NIPBL: variants seen among roughly 807,000 people sequenced by gnomAD.
NIPBL encodes the protein NIPBL cohesin loading factor.
A neutral mutation model predicts 321.8 loss-of-function variants in NIPBL; 19 were observed. The ratio of observed to expected loss-of-function variants is 0.06; its 90% CI spans 0.04 to 0.09. NIPBL has a LOEUF of 0.09. Among genes scored for constraint, NIPBL ranks in the 10% least tolerant of loss-of-function variants. NIPBL has a pLI of 1.00. For synonymous variants in NIPBL, 1,106 were observed against 1,114.1 expected (o/e 0.99, Z 0.14); for missense variants, 2,210 against 3,327.0 (o/e 0.66, Z 8.26).
At chr5:36,929,252 T>C (rs1004668638) in intron 1 of NIPBL, among the ~76,000 whole-genome samples, 1 of 152,152 alleles carries the variant, frequency 6.6e-6, no homozygotes, top group Admixed American at 6.5e-5. Flanking sequence ...TAATGACTAA[T>C]GATACTGAGC....
chr5:37,012,436 A>G (rs1748253389), intron 21 of NIPBL, among the ~76,000 whole-genome samples: 1 of 140,848 alleles, frequency 7.1e-6, no homozygotes, highest in African/African-American at 2.6e-5. Context: ...TCATATATTG[A>G]ATATTAGATT....
intron 6 of NIPBL, among the ~76,000 whole-genome samples, chr5:36,969,294 C>G (rs1249676770): frequency 1.3e-5 from 2 of 152,072 alleles, no homozygotes; most frequent in East Asian, 3.9e-4. Context: ...GGAATTTAAC[C>G]TGCTTCTAAA....
At chr5:36,960,906 A>C (rs1031481445) in intron 4 of NIPBL, among the ~76,000 whole-genome samples, 2 of 152,142 alleles carry the variant, frequency 1.3e-5, no homozygotes, top group African/African-American at 4.8e-5. Context: ...GTTAATCCCT[A>C]CTATGTGACA....
At chr5:36,889,430 A>G (rs1746154764) in intron 1 of NIPBL, among the ~76,000 whole-genome samples, 1 of 152,144 alleles carries the variant, frequency 6.6e-6, no homozygotes, top group South Asian at 2.1e-4. Flanking sequence ...AAGAACTGGG[A>G]GGAGGTGTTG....
rs760114555 is a variant in NIPBL, at chr5:36,975,786, A to C, written c.879A>C (p.Pro293=). The part of the protein sequence containing the change: ...GSEGTPKGSR[P]PLILQSQSLP... ...GAATTATTTTTCTAGGCTCAAGACC[A>C]CCTTTAATCCTACAATCTCAGTCTC... Residue 293 remains proline (P), a synonymous_variant, in exon 9 of 47, where the codon CCA becomes CCC. Coordinates refer to ENST00000282516, the MANE Select transcript of NIPBL (RefSeq NM_133433.4). 5 of 1,613,654 alleles carry C rather than the reference A, an allele frequency of 3.1e-6. No individual in the cohort carries two copies. The Admixed American group carries it at 8.3e-5, about 27-fold the overall frequency.
At chr5:36,972,616 A>G (rs1347619375) in intron 8 of NIPBL, among the ~76,000 whole-genome samples, 2 of 152,132 alleles carry the variant, frequency 1.3e-5, no homozygotes, top group Non-Finnish European at 2.9e-5. Context: ...CCAAGTTCTA[A>G]TTCTTCATTT....
chr5:36,968,883 T>G (rs1314134462), intron 6 of NIPBL, among the ~76,000 whole-genome samples: 2 of 152,172 alleles, frequency 1.3e-5, no homozygotes, highest in Non-Finnish European at 2.9e-5. Flanking sequence ...AAGAAAAAAG[T>G]GTCATTTTCA....
Position 36,942,432 on chromosome 5 carries a change from T to TAAAAA in NIPBL, c.-79-11165_-79-11161dup, listed in dbSNP as rs33935189. On this transcript the variant is annotated intron_variant, in intron 1 of 46. Transcript: ENST00000282516. Reference sequence around the variant, plus strand: ...GGGTGACAGAGTGAGACTCTGTCTTTAAAAAAAAAAAAAAAAAAAAAAAAA... The same window carrying TAAAAA: ...GGGTGACAGAGTGAGACTCTGTCTTTAAAAAAAAAAAAAAAAAAAAAAAAAAAAAA... Among the ~76,000 whole-genome samples, 397 of 59,760 alleles carry TAAAAA rather than the reference T, an allele frequency of 6.6e-3. 10 individuals carry two copies. Among genetic ancestry groups the TAAAAA allele is most frequent in the Non-Finnish European group, 9.6e-3 (341 of 35,666 alleles). The allele number at this position is 59,760 out of a possible 152,430, so 39.2% of individuals were successfully genotyped here. A position where few individuals can be genotyped will look rare whatever the true frequency, so the allele number is the denominator to read the frequency against.
rs201051655 is a variant in NIPBL at position 36,984,849 on chromosome 5, A to G, written c.1669A>G (p.Ile557Val). Residue 557 changes from isoleucine to valine, a missense_variant, in exon 10 of 47, where the codon ATA becomes GTA. By Grantham distance (29) the Ile-to-Val change is conservative (BLOSUM62 3). This residue lies in a region of NIPBL where 588 missense variants were observed against 564.1 expected (regional missense o/e 1.04). Coordinates refer to ENST00000282516, the MANE Select transcript of NIPBL (RefSeq NM_133433.4). ...AGGAAGAGTGGACTCTCAGGCTTCT[A>G]TAACTCAGGATTCAGACTCCATAAA... is the stretch of plus-strand genomic sequence containing the variant. The part of the protein sequence containing the change: ...QAGRVDSQAS[I>V]TQDSDSIKKP... The G allele has an allele frequency of 6.8e-6, 11 of 1,613,882 alleles. No individual in the cohort carries two copies. In the African/African-American group the frequency reaches 1.1e-4, roughly 16 times the overall value.
chr5:36,958,632 G>A (rs898347371), intron 4 of NIPBL, among the ~76,000 whole-genome samples: 10 of 152,026 alleles, frequency 6.6e-5, no homozygotes, highest in Non-Finnish European at 8.8e-5. Flanking sequence ...TCTAGTAATT[G>A]ATTTAATACT....
At chr5:36,991,749 T>G (rs1379991285) in intron 10 of NIPBL, among the ~76,000 whole-genome samples, 3 of 151,510 alleles carry the variant, frequency 2.0e-5, no homozygotes, top group Non-Finnish European at 4.4e-5. Context: ...GCCCAAGTTT[T>G]TTTTTTTTTT....
intron 24 of NIPBL, among the ~76,000 whole-genome samples, chr5:37,018,125 C>G (rs1749199728): frequency 6.6e-6 from 1 of 152,006 alleles, no homozygotes; most frequent in South Asian, 2.1e-4. Flanking sequence ...ATTCTTAGGA[C>G]CCTCCCTGGA....
At chr5:36,883,444 G>C (rs943216321) in intron 1 of NIPBL, among the ~76,000 whole-genome samples, 12 of 151,930 alleles carry the variant, frequency 7.9e-5, no homozygotes, top group Middle Eastern at 3.4e-3. Flanking sequence ...CCTTTTGTTA[G>C]AATTAACATA....
At position 37,001,046 on chromosome 5, in the gene NIPBL, A is replaced by G; in HGVS notation, c.3632A>G (p.Asp1211Gly). ...RFTASIENIL[D>G]NLEDMDFTAF... The stretch of plus-strand genomic sequence containing the variant: ...ACAGCCTCAATAGAGAATATTTTGG[A>G]TAATTTGGAAGATATGGATTTTACT... The change falls in exon 14 of 47, where the codon GAT (aspartate) becomes GGT (glycine). Residue 1211 changes from aspartate to glycine, a missense_variant. This residue lies in a region of NIPBL where 381 missense variants were observed against 642.3 expected (regional missense o/e 0.59). Transcript: ENST00000282516. The G allele has an allele frequency of 6.2e-7, 1 of 1,611,054 alleles. No homozygotes were observed. Among genetic ancestry groups the G allele is most frequent in the Non-Finnish European group, 8.5e-7 (1 of 1,178,286 alleles).
intron 20 of NIPBL, among the ~76,000 whole-genome samples, chr5:37,009,563 A>G (rs1747857229): frequency 6.6e-6 from 1 of 152,188 alleles, no homozygotes; most frequent in African/African-American, 2.4e-5. Flanking sequence ...AAGAAAAACT[A>G]TGAAGAAAAA....
rs897183072 is a variant in NIPBL, at chr5:36,971,040, T to C, written c.771+4T>C. 2.5e-6 allele frequency: 4 copies of C among 1,607,332 alleles called. No individual in the cohort carries two copies. The highest frequency in any genetic ancestry group is 3.4e-6 in the Non-Finnish European group (4 of 1,174,102). ...GGTGCACAGGCTAAGTAGTGACGTA[T>C]GTAATATATTATCATTAAGGTGATA... On this transcript the variant is annotated splice_donor_region_variant and intron_variant, in intron 7 of 46. Transcript: ENST00000282516.
chr5:36,928,263 TTAAC>T (rs1256886804), intron 1 of NIPBL, among the ~76,000 whole-genome samples: 1 of 152,198 alleles, frequency 6.6e-6, no homozygotes, highest in Non-Finnish European at 1.5e-5. Context: ...GAAGTAGTCT[TTAAC>T]TACATGCAGG....
intron 34 of NIPBL, among the ~76,000 whole-genome samples, chr5:37,042,897 G>A (rs1055928182): frequency 2.7e-5 from 4 of 146,334 alleles, no homozygotes; most frequent in South Asian, 2.1e-4. Flanking sequence ...ACACACACGC[G>A]CGCACACACA....
chr5:37,028,442 G>A (rs1750577504), intron 32 of NIPBL, among the ~76,000 whole-genome samples: 1 of 148,214 alleles, frequency 6.7e-6, no homozygotes, highest in Non-Finnish European at 1.5e-5. Flanking sequence ...CTGGGTTCAA[G>A]GGTTTCTCCT....
Sources: gnomAD v4.1 joint callset for allele counts (sites outside exome capture counted in the v4.1 genomes callset) on GRCh38, gnomAD v4.1.1 for gene constraint, gnomAD v4.1.1 regional missense constraint, MANE v1.5 for transcripts, NCBI Gene and HGNC (gene_info 2026-07-23, HGNC 2026-07-21) for gene names.